IMMP2L: variants seen among roughly 807,000 people sequenced by gnomAD.
IMMP2L encodes inner mitochondrial membrane peptidase subunit 2.
Under a neutral mutation model 19.3 loss-of-function variants are expected in IMMP2L, and 18 were observed. The ratio of observed to expected loss-of-function variants is 0.93; its 90% confidence interval spans 0.64 to 1.38. IMMP2L has a LOEUF of 1.38. Ranked by LOEUF, IMMP2L falls within the 40% of genes most tolerant of loss-of-function variation. The pLI is 0.00. For missense variants in IMMP2L, 233 were observed against 218.2 expected, an observed-to-expected ratio of 1.07 and a Z score of -0.43; for synonymous variants, 76 against 73.0, an observed-to-expected ratio of 1.04 and a Z score of -0.21.
At position 111,098,555 on chromosome 7, in the gene IMMP2L, A is replaced by G. The variant is rs1003849012; in HGVS notation, c.240-134990T>C. On this transcript the variant is annotated intron_variant, in intron 3 of 5. Transcript: ENST00000405709. ...ACGTTCAAACCACATCATCTCTCTT[A>G]GACAATCCTTTACTGGCTAAAGGAA... Among the ~76,000 whole-genome samples the G allele has an allele frequency of 2.6e-5, 4 of 151,942 alleles. No individual in the cohort carries two copies. In the East Asian group the frequency reaches 7.7e-4, roughly 29 times the overall value.
chr7:110,872,156 A>T (rs1349555205), intron 5 of IMMP2L, among the ~76,000 whole-genome samples: 1 of 152,112 alleles, frequency 6.6e-6, no homozygotes, highest in African/African-American at 2.4e-5. Context: ...AAGCCACATA[A>T]ACTAATCACA....
chr7:110,746,017 C>T (rs1234281655), intron 5 of IMMP2L, among the ~76,000 whole-genome samples: 1 of 151,788 alleles, frequency 6.6e-6, no homozygotes, highest in African/African-American at 2.4e-5. Context: ...ATCTCACATG[C>T]AAAGACACAC....
At chr7:111,087,397 C>T (rs1056348291) in intron 3 of IMMP2L, among the ~76,000 whole-genome samples, 3 of 149,050 alleles carry the variant, frequency 2.0e-5, no homozygotes, top group Non-Finnish European at 3.0e-5. Context: ...TGCAGTGAGC[C>T]GAGATCGTGC....
chr7:111,107,640 T>A (rs3823926), intron 3 of IMMP2L, among the ~76,000 whole-genome samples: 1 of 151,934 alleles, frequency 6.6e-6, no homozygotes, highest in Admixed American at 6.6e-5. Context: ...GGGGCACTAG[T>A]AAAGTAATAA....
intron 3 of IMMP2L, among the ~76,000 whole-genome samples, chr7:111,401,478 T>C (rs932916955): frequency 1.3e-5 from 2 of 152,134 alleles, no homozygotes; most frequent in Non-Finnish European, 2.9e-5. Context: ...AATATATAGA[T>C]AAGTAGGATT....
intron 4 of IMMP2L, among the ~76,000 whole-genome samples, chr7:110,891,238 GA>G (rs763078332): frequency 0.021 from 2,069 of 97,012 alleles, 20 homozygotes; most frequent in Middle Eastern, 0.063. Context: ...GATAGAACCA[GA>G]AAAAAAAAAA....
chr7:111,527,818 T>C (rs1301957307), intron 1 of IMMP2L, among the ~76,000 whole-genome samples: 1 of 152,120 alleles, frequency 6.6e-6, no homozygotes, highest in Non-Finnish European at 1.5e-5. Flanking sequence ...AGTGTTTTTC[T>C]GAGAGATTAT....
chr7:111,139,096 A>T (rs192185496), intron 3 of IMMP2L, among the ~76,000 whole-genome samples: 4 of 152,200 alleles, frequency 2.6e-5, no homozygotes, highest in African/African-American at 9.6e-5. Flanking sequence ...TGTGATATCC[A>T]TTTGATATCT....
chr7:111,290,705 C>T (rs1035763954), intron 3 of IMMP2L, among the ~76,000 whole-genome samples: 4 of 151,838 alleles, frequency 2.6e-5, no homozygotes, highest in African/African-American at 9.7e-5. Context: ...GAATCTATTG[C>T]AAATTGAACT....
chr7:111,378,994 G>A (rs1584871790), intron 3 of IMMP2L, among the ~76,000 whole-genome samples: 1 of 151,702 alleles, frequency 6.6e-6, no homozygotes, highest in East Asian at 1.9e-4. Context: ...TTGTTACACA[G>A]TAGACCTTCC....
intron 3 of IMMP2L, among the ~76,000 whole-genome samples, chr7:110,972,207 C>A (rs2129556727): frequency 6.6e-6 from 1 of 151,722 alleles, no homozygotes. Context: ...TTTAAAAAAT[C>A]AACTCAACTG....
intron 3 of IMMP2L, among the ~76,000 whole-genome samples, chr7:111,084,874 G>A (rs772901257): frequency 2.0e-5 from 3 of 152,192 alleles, no homozygotes; most frequent in Non-Finnish European, 4.4e-5. Flanking sequence ...GAGGAGAACA[G>A]AGAAGGAAAG....
chr7:111,309,151 TAAG>T lies in IMMP2L; in HGVS notation c.239+178084_239+178086del, dbSNP rs542102109. Reference sequence around the variant, plus strand: ...AAGATTTGAGAGAAGGAAGAAAAAATAAGAAGACATTATTTCACAGATGTACTG... The same window carrying T: ...AAGATTTGAGAGAAGGAAGAAAAAATAAGACATTATTTCACAGATGTACTG... On this transcript the variant is annotated intron_variant, in intron 3 of 5. Coordinates refer to ENST00000405709, the MANE Select transcript of IMMP2L (RefSeq NM_032549.4). Among the ~76,000 whole-genome samples, 228 of 152,196 alleles carry T rather than the reference TAAG, an allele frequency of 1.5e-3. 1 individual carries two copies. The highest frequency in any genetic ancestry group is 5.2e-3 in the African/African-American group (217 of 41,564).
At chr7:111,498,155 C>A (rs1476336002) in intron 2 of IMMP2L, among the ~76,000 whole-genome samples, 1 of 151,994 alleles carries the variant, frequency 6.6e-6, no homozygotes, top group African/African-American at 2.4e-5. Context: ...CAGGTCGCTA[C>A]AACTAGATTG....
intron 3 of IMMP2L, among the ~76,000 whole-genome samples, chr7:111,015,588 T>C (rs1825422787): frequency 6.6e-6 from 1 of 152,164 alleles, no homozygotes; most frequent in African/African-American, 2.4e-5. Context: ...GGGCCACTTA[T>C]TGTTTGAGTC....
intron 3 of IMMP2L, among the ~76,000 whole-genome samples, chr7:111,138,788 C>T (rs1387590008): frequency 1.3e-5 from 2 of 152,028 alleles, no homozygotes; most frequent in East Asian, 3.9e-4. Context: ...AGTTGTTTTG[C>T]CAGAAAAAGA....
At chr7:110,693,379 C>G (rs1793646571) in intron 5 of IMMP2L, among the ~76,000 whole-genome samples, 2 of 152,152 alleles carry the variant, frequency 1.3e-5, no homozygotes, top group African/African-American at 4.8e-5. Flanking sequence ...AATGGAAAAG[C>G]CTTCTATGTC....
intron 5 of IMMP2L, among the ~76,000 whole-genome samples, chr7:110,692,581 G>A (rs139081526): frequency 6.6e-6 from 1 of 152,022 alleles, no homozygotes; most frequent in Non-Finnish European, 1.5e-5. Flanking sequence ...AACCATAACA[G>A]TTGCATTTGA....
intron 5 of IMMP2L, among the ~76,000 whole-genome samples, chr7:110,826,466 A>T (rs1211934316): frequency 1.3e-5 from 2 of 152,242 alleles, no homozygotes; most frequent in Non-Finnish European, 1.5e-5. Flanking sequence ...GACTGGATTA[A>T]GAAAATGTGG....
Sources: allele counts gnomAD v4.1 joint callset (sites outside exome capture counted in the v4.1 genomes callset), GRCh38; gene constraint gnomAD v4.1.1; transcripts MANE v1.5; gene names NCBI Gene and HGNC (gene_info 2026-07-23, HGNC 2026-07-21).